CDIN1: variants seen among roughly 807,000 people sequenced by gnomAD.
CDIN1 encodes CDAN1 interacting nuclease 1.
A neutral mutation model predicts 45.3 loss-of-function variants in CDIN1; 33 were observed. That is an observed-to-expected ratio of 0.73 (90% CI 0.55 to 0.97). The LOEUF is 0.97. CDIN1 is among the 50% of genes least tolerant of loss of function. The probability of loss-of-function intolerance (pLI) is 0.00; values close to 1 mark genes in which losing one functional copy is unlikely to be tolerated. For missense variants in CDIN1, 303 were observed against 339.4 expected, an observed-to-expected ratio of 0.89 and a Z score of 0.84; for synonymous variants, 118 against 124.4, an observed-to-expected ratio of 0.95 and a Z score of 0.34.
At position 36,645,294 on chromosome 15, in the gene CDIN1, C is replaced by A. The variant is rs1320041567; in HGVS notation, c.212+7C>A. 6.5e-7 allele frequency: 1 copy of A among 1,543,888 alleles called. No homozygotes were observed. The highest frequency in any genetic ancestry group is 8.8e-7 in the Non-Finnish European group (1 of 1,140,428). On this transcript the variant is annotated splice_region_variant and intron_variant, in intron 3 of 10. Coordinates refer to ENST00000566621, the MANE Select transcript of CDIN1 (RefSeq NM_001321759.2). The stretch of plus-strand genomic sequence containing the variant: ...TTGAAAGTTATTACCAGAGGTATGA[C>A]CTTCCTGCCCCACTAGAGGGTATCA...
At chr15:36,646,481 A>G (rs1362553238) in intron 3 of CDIN1, among the ~76,000 whole-genome samples, 1 of 126,008 alleles carries the variant, frequency 7.9e-6, no homozygotes, top group Non-Finnish European at 1.7e-5. Context: ...CTCTCTAAAC[A>G]AGACTTTGTA....
chr15:36,696,467 G>A (rs1410537932), intron 7 of CDIN1: 1 of 152,224 alleles, frequency 6.6e-6, no homozygotes, highest in Non-Finnish European at 1.5e-5. Flanking sequence ...AAGATTTACA[G>A]AATTCTCTAA....
At chr15:36,621,058 C>T (rs1370186098) in intron 1 of CDIN1, among the ~76,000 whole-genome samples, 1 of 152,104 alleles carries the variant, frequency 6.6e-6, no homozygotes, top group Non-Finnish European at 1.5e-5. Flanking sequence ...TATTAAAAGC[C>T]ATGTTGTGTT....
chr15:36,654,219 TA>T lies in CDIN1; in HGVS notation c.273+63del. ...TGTAACCTAAGGGGCCTATCTAGAG[TA>T]ACTTTGCTTACAATTATAACTACCT... On this transcript the variant is annotated intron_variant, in intron 4 of 10. Coordinates refer to ENST00000566621, the MANE Select transcript of CDIN1 (RefSeq NM_001321759.2). 3 of 1,329,406 alleles carry T rather than the reference TA, an allele frequency of 2.3e-6. No homozygotes were observed. In the Admixed American group the frequency reaches 6.3e-5, roughly 28 times the overall value. 82.4% of individuals were successfully genotyped at this position (1,329,406 alleles called of 1,614,324 possible).
intron 5 of CDIN1, among the ~76,000 whole-genome samples, chr15:36,680,614 G>A (rs1341946029): frequency 6.6e-6 from 1 of 152,096 alleles, no homozygotes; most frequent in Non-Finnish European, 1.5e-5. Context: ...AGACACGAGG[G>A]GCTGGGCTTG....
At chr15:36,754,027 A>G (rs528371346) in intron 10 of CDIN1, among the ~76,000 whole-genome samples, 4 of 152,198 alleles carry the variant, frequency 2.6e-5, no homozygotes, top group Non-Finnish European at 4.4e-5. Context: ...GTAAGAAAGC[A>G]TGCTTATAGT....
chr15:36,695,813 C>T (rs189273116), intron 7 of CDIN1, among the ~76,000 whole-genome samples: 4 of 148,252 alleles, frequency 2.7e-5, no homozygotes, highest in Admixed American at 6.6e-5. Context: ...TGCCACTGCA[C>T]TCCAGCCTGG....
At chr15:36,582,052 G>A (rs1441156753) in intron 1 of CDIN1, among the ~76,000 whole-genome samples, 1 of 152,150 alleles carries the variant, frequency 6.6e-6, no homozygotes, top group Non-Finnish European at 1.5e-5. Flanking sequence ...TTGTGGTGAT[G>A]GATATGAGCA....
intron 10 of CDIN1, among the ~76,000 whole-genome samples, chr15:36,793,039 C>T (rs1171600642): frequency 1.3e-5 from 2 of 151,970 alleles, no homozygotes; most frequent in Admixed American, 6.6e-5. Flanking sequence ...TATCTCCCCC[C>T]TCTTACCCAC....
chr15:36,787,473 A>G (rs1433351664), intron 10 of CDIN1, among the ~76,000 whole-genome samples: 1 of 152,218 alleles, frequency 6.6e-6, no homozygotes, highest in African/African-American at 2.4e-5. Context: ...TAGAAGGACT[A>G]CTTTTCTAGC....
intron 1 of CDIN1, among the ~76,000 whole-genome samples, chr15:36,604,276 T>C (rs1188061991): frequency 1.5e-4 from 4 of 26,386 alleles, no homozygotes; most frequent in Non-Finnish European, 5.9e-4. Flanking sequence ...CCACCTGGCT[T>C]TTTTTTTTTT....
intron 10 of CDIN1, among the ~76,000 whole-genome samples, chr15:36,753,163 G>A (rs1016921619): frequency 1.3e-5 from 2 of 152,068 alleles, no homozygotes; most frequent in African/African-American, 2.4e-5. Context: ...AAGAATTTCA[G>A]CAATTGAACA....
chr15:36,618,007 G>T, intron 1 of CDIN1: 1 of 789,152 alleles, frequency 1.3e-6, no homozygotes. Context: ...CAGTCTTTAT[G>T]CAGCCTGTAT....
chr15:36,632,936 T>C (rs1019533088), intron 1 of CDIN1, among the ~76,000 whole-genome samples: 1 of 152,238 alleles, frequency 6.6e-6, no homozygotes, highest in Admixed American at 6.5e-5. Context: ...TGATTTATGT[T>C]ACGACTTGTT....
intron 1 of CDIN1, among the ~76,000 whole-genome samples, chr15:36,629,514 A>G (rs888228386): frequency 6.6e-6 from 1 of 152,234 alleles, no homozygotes; most frequent in African/African-American, 2.4e-5. Context: ...GCTCATGGTA[A>G]TAATATCATA....
intron 7 of CDIN1, among the ~76,000 whole-genome samples, chr15:36,693,212 A>G (rs1363158392): frequency 6.6e-6 from 1 of 152,172 alleles, no homozygotes; most frequent in Non-Finnish European, 1.5e-5. Context: ...AGTAAAGTTA[A>G]TCTTTGATGA....
chr15:36,739,305 T>C (rs1048859204), intron 10 of CDIN1, among the ~76,000 whole-genome samples: 1 of 152,188 alleles, frequency 6.6e-6, no homozygotes, highest in Non-Finnish European at 1.5e-5. Context: ...GTTGGGAGAC[T>C]GAGGTGGAAA....
At chr15:36,659,395 A>C (rs1343318364) in intron 5 of CDIN1, among the ~76,000 whole-genome samples, 2 of 152,172 alleles carry the variant, frequency 1.3e-5, no homozygotes, top group African/African-American at 4.8e-5. Context: ...GCTAGGATTA[A>C]ATGTCTTGCA....
chr15:36,740,919 C>A (rs541778711), intron 10 of CDIN1, among the ~76,000 whole-genome samples: 1 of 152,016 alleles, frequency 6.6e-6, no homozygotes, highest in South Asian at 2.1e-4. Flanking sequence ...GTTTGCTCTC[C>A]TGCATTTCAA....
Sources: allele counts gnomAD v4.1 joint callset (sites outside exome capture counted in the v4.1 genomes callset), GRCh38; gene constraint gnomAD v4.1.1; transcripts MANE v1.5; gene names NCBI Gene and HGNC (gene_info 2026-07-23, HGNC 2026-07-21).